The following TMPRSS3 variants were observed in gnomAD, a reference collection of about 807,000 sequenced individuals.
TMPRSS3 encodes transmembrane protease serine 3.
Under a neutral mutation model 59.6 loss-of-function variants are expected in TMPRSS3, and 55 were observed. The observed-to-expected ratio is 0.92, with a 90% CI of 0.74 to 1.16. The LOEUF is 1.16. Among genes scored for constraint, TMPRSS3 ranks in the 50% most tolerant of loss-of-function variants. TMPRSS3 has a pLI of 0.00. For synonymous variants in TMPRSS3, 257 were observed against 237.7 expected, an observed-to-expected ratio of 1.08 and a Z score of -0.75; for missense variants, 596 against 579.4, an observed-to-expected ratio of 1.03 and a Z score of -0.29.
chr21:42,394,632 T>C (rs1384102154), intron 2 of TMPRSS3, among the ~76,000 whole-genome samples: 1 of 152,140 alleles, frequency 6.6e-6, no homozygotes, highest in Non-Finnish European at 1.5e-5. Context: ...AAAGAAATCA[T>C]TAGGGTGACC....
In TMPRSS3 at chr21:42,395,950, C is replaced by T. The variant is rs779671143; in HGVS notation, c.-60G>A. On this transcript the variant is annotated 5_prime_UTR_variant, in exon 1 of 13. Coordinates refer to ENST00000644384, the MANE Select transcript of TMPRSS3 (RefSeq NM_001256317.3). Reference sequence around the variant, plus strand: ...GTAGTTTCGGTACTCACATAATTCCCGAGTCCCAAAAATGTAGATGGCACC... The same window carrying T: ...GTAGTTTCGGTACTCACATAATTCCTGAGTCCCAAAAATGTAGATGGCACC... 1.5e-5 allele frequency: 8 copies of T among 518,804 alleles called. No homozygotes were observed. Among genetic ancestry groups the T allele is most frequent in the South Asian group, 4.2e-5 (3 of 71,564 alleles). 32.1% of individuals were successfully genotyped at this position (518,804 alleles called of 1,614,324 possible).
chr21:42,385,018 T>TCCCTCCCTCCCTCCC (rs2052601552), intron 6 of TMPRSS3, among the ~76,000 whole-genome samples: 1 of 151,882 alleles, frequency 6.6e-6, no homozygotes, highest in Non-Finnish European at 1.5e-5. Flanking sequence ...TTTTTCTTCC[T>TCCCTCCCTCCCTCCC]TTTACCCTCC....
Position 42,373,956 on chromosome 21 carries a change from A to T in TMPRSS3, c.1345-1177T>A, listed in dbSNP as rs139500253. 4.2e-3 allele frequency among the ~76,000 whole-genome samples: 643 copies of T among 152,246 alleles called. 3 individuals are homozygous for T. Among genetic ancestry groups the T allele is most frequent in the African/African-American group, 5.2e-3 (217 of 41,540 alleles). Reference sequence around the variant, plus strand: ...CTTCAGTGTCTTAAGGGGGACTTTTAGGATCACCAGCTCAGTGCTCAGCCC... The same window carrying T: ...CTTCAGTGTCTTAAGGGGGACTTTTTGGATCACCAGCTCAGTGCTCAGCCC... On this transcript the variant is annotated intron_variant, in intron 12 of 12. Transcript: ENST00000644384.
chr21:42,376,749 T>A, intron 10 of TMPRSS3, 66 bp from the exon 11 acceptor site: 1 of 1,610,616 alleles, frequency 6.2e-7, no homozygotes, highest in Non-Finnish European at 8.5e-7. Context: ...AGAAGGCGCA[T>A]GCTGAGACCA....
rs958251723 is a variant in TMPRSS3 at position 42,383,165 on chromosome 21, A to T, written c.650T>A (p.Ile217Asn). The T allele has an allele frequency of 1.2e-6, 2 of 1,613,960 alleles. No individual in the cohort carries two copies. The highest frequency in any genetic ancestry group is 2.7e-5 in the African/African-American group (2 of 74,892). Reference protein sequence around the residue: ...CGHRRGYSSRIVGGNMSLLSQ... With the variant: ...CGHRRGYSSRNVGGNMSLLSQ... ...GAGCAAGGACATGTTTCCACCCACGATGCGTGAGCTGTAGCCCCTTCTATG... is the reference window on the plus strand; with the variant it reads ...GAGCAAGGACATGTTTCCACCCACGTTGCGTGAGCTGTAGCCCCTTCTATG... Residue 217 changes from isoleucine (I) to asparagine (N), a missense_variant, in exon 8 of 13, where the codon ATC becomes AAC. Coordinates refer to ENST00000644384, the MANE Select transcript of TMPRSS3 (RefSeq NM_001256317.3).
At chr21:42,385,091 AC>A (rs1568885651) in intron 6 of TMPRSS3, among the ~76,000 whole-genome samples, 6 of 10,606 alleles carry the variant, frequency 5.7e-4, no homozygotes, top group Non-Finnish European at 1.0e-3. Flanking sequence ...TTTCCTCCCC[AC>A]CCCCCTTCTT....
At chr21:42,394,801 A>G (rs2052781137) in intron 2 of TMPRSS3, among the ~76,000 whole-genome samples, 1 of 152,230 alleles carries the variant, frequency 6.6e-6, no homozygotes, top group South Asian at 2.1e-4. Context: ...AAAAGATCCT[A>G]GCCGTATAGG....
intron 2 of TMPRSS3, among the ~76,000 whole-genome samples, chr21:42,394,367 G>GA (rs1489323728): frequency 6.6e-6 from 1 of 151,992 alleles, no homozygotes; most frequent in African/African-American, 2.4e-5. Context: ...ACCTTTTATG[G>GA]AAAAAACCCA....
In TMPRSS3 at chr21:42,383,124, G is replaced by C; in HGVS notation, c.691C>G (p.Gln231Glu). Residue 231 changes from glutamine to glutamate, a missense_variant, in exon 8 of 13, where the codon CAG becomes GAG. Coordinates refer to ENST00000644384, the MANE Select transcript of TMPRSS3 (RefSeq NM_001256317.3). ...NMSLLSQWPW[Q>E]ASLQFQGYHL... ...TAGCCCTGGAACTGAAGGCTGGCCT[G>C]CCAGGGCCACTGCGAGAGCAAGGAC... 1 of 1,614,200 alleles carries C rather than the reference G, an allele frequency of 6.2e-7. No homozygotes were observed. Among genetic ancestry groups the C allele is most frequent in the Admixed American group, 1.7e-5 (1 of 60,032 alleles).
chr21:42,388,279 G>T lies in TMPRSS3; in HGVS notation c.446+124C>A. ...GGATGATATCGGGCATCCTAAGGTG[G>T]ATGTGAGGATGTAATCTGAGAGCGT... On this transcript the variant is annotated intron_variant, in intron 5 of 12. Coordinates refer to ENST00000644384, the MANE Select transcript of TMPRSS3 (RefSeq NM_001256317.3). The surrounding 1 kb of genome is among the most constrained non-coding windows in gnomAD (Gnocchi z 5.1). 1 of 1,305,740 alleles carries T rather than the reference G, an allele frequency of 7.7e-7. No individual in the cohort carries two copies. The highest frequency in any genetic ancestry group is 1.1e-6 in the Non-Finnish European group (1 of 911,516). 80.9% of individuals were successfully genotyped at this position (1,305,740 alleles called of 1,614,324 possible). A position where few individuals can be genotyped will look rare whatever the true frequency, so the allele number is the denominator to read the frequency against.
chr21:42,375,790 A>G lies in TMPRSS3; in HGVS notation c.1270T>C (p.Cys424Arg), dbSNP rs2052416723. 1.2e-6 allele frequency: 2 copies of G among 1,613,714 alleles called. No homozygotes were observed. Among genetic ancestry groups the G allele is most frequent in the South Asian group, 2.2e-5 (2 of 91,078 alleles). ...LVGATSFGIG[C>R]AEVNKPGVYT... ...ACCCCAGGCTTGTTCACCTCTGCGCAGCCGATGCCAAAGCTGGTCGCTCCC... is the reference window on the plus strand; with the variant it reads ...ACCCCAGGCTTGTTCACCTCTGCGCGGCCGATGCCAAAGCTGGTCGCTCCC... Residue 424 changes from cysteine to arginine, a missense_variant, in exon 12 of 13, where the codon TGC (cysteine) becomes CGC (arginine). Coordinates refer to ENST00000644384, the MANE Select transcript of TMPRSS3 (RefSeq NM_001256317.3).
intron 11 of TMPRSS3, 93 bp downstream of exon 11, chr21:42,376,448 C>T (rs933776316): frequency 3.2e-6 from 5 of 1,567,956 alleles, no homozygotes; most frequent in Non-Finnish European, 4.3e-6. Flanking sequence ...TGTAAATTTA[C>T]TTTTTGTCCT....
chr21:42,383,931 C>T, intron 7 of TMPRSS3, 39 bp downstream of exon 7: 1 of 1,611,236 alleles, frequency 6.2e-7, no homozygotes, highest in Admixed American at 1.7e-5. Context: ...TTAGCATGTG[C>T]TTGCTCCCCC....
intron 12 of TMPRSS3, 139 bp from the exon 13 acceptor site, chr21:42,372,918 C>A: frequency 5.2e-6 from 5 of 958,826 alleles, no homozygotes; most frequent in South Asian, 1.4e-5. Context: ...TTGGCCTCCC[C>A]CTGGGGCTGC....
Position 42,378,491 on chromosome 21 carries a change from C to T in TMPRSS3, c.1048+1626G>A, listed in dbSNP as rs906147032. Among the ~76,000 whole-genome samples the T allele has an allele frequency of 8.7e-4, 133 of 152,152 alleles. 1 individual carries two copies. The highest frequency in any genetic ancestry group is 2.1e-4 in the Non-Finnish European group (14 of 68,018). ...GGTGGACCCTAAATCCAACGACTTGCTGTCCTTATAAGACACAGGAGAGGG... is the reference window on the plus strand; with the variant it reads ...GGTGGACCCTAAATCCAACGACTTGTTGTCCTTATAAGACACAGGAGAGGG... On this transcript the variant is annotated intron_variant, in intron 10 of 12. Transcript: ENST00000644384.
Position 42,391,758 on chromosome 21 carries a change from T to C in TMPRSS3, c.95-1721A>G, listed in dbSNP as rs193222088. On this transcript the variant is annotated intron_variant, in intron 2 of 12. Coordinates refer to ENST00000644384, the MANE Select transcript of TMPRSS3 (RefSeq NM_001256317.3). ...GAGTCCTTTGTCTCTGACCCAGGACTCTCGTGTCTTCCAAAGCACCCATGA... is the reference window on the plus strand; with the variant it reads ...GAGTCCTTTGTCTCTGACCCAGGACCCTCGTGTCTTCCAAAGCACCCATGA... Among the ~76,000 whole-genome samples the C allele has an allele frequency of 1.3e-4, 20 of 152,334 alleles. No individual in the cohort carries two copies. In the East Asian group the frequency reaches 3.3e-3, roughly 25 times the overall value.
chr21:42,385,078 T>TCC (rs2052610711), intron 6 of TMPRSS3, among the ~76,000 whole-genome samples: 3 of 99,034 alleles, frequency 3.0e-5, no homozygotes, highest in South Asian at 4.0e-4. Context: ...CCTCCCTTCC[T>TCC]CTTTTCCTCC....
rs1365650284 is a variant in TMPRSS3, at chr21:42,388,898, T to A, written c.322+31A>T. 4 of 1,593,748 alleles carry A rather than the reference T, an allele frequency of 2.5e-6. No homozygotes were observed. The highest frequency in any genetic ancestry group is 2.6e-6 in the Non-Finnish European group (3 of 1,161,906). On this transcript the variant is annotated intron_variant, in intron 4 of 12. Coordinates refer to ENST00000644384, the MANE Select transcript of TMPRSS3 (RefSeq NM_001256317.3). This position sits in a 1 kb window ranked among gnomAD's most constrained non-coding sequence, Gnocchi z 5.1. ...AGGGTTGGCTTCTGCTGCTTCCTTCTGTTTCCCCAGGGGAAGAGCCATGAC... is the reference window on the plus strand; with the variant it reads ...AGGGTTGGCTTCTGCTGCTTCCTTCAGTTTCCCCAGGGGAAGAGCCATGAC...
At chr21:42,386,168 G>T (rs572720393) in intron 5 of TMPRSS3, among the ~76,000 whole-genome samples, 254 of 152,330 alleles carry the variant, frequency 1.7e-3, no homozygotes, top group Non-Finnish European at 2.7e-3. Flanking sequence ...TGTTTGGAGA[G>T]TCACAAGATG....
Sources: allele counts gnomAD v4.1 joint callset (sites outside exome capture counted in the v4.1 genomes callset), GRCh38; gene constraint gnomAD v4.1.1; non-coding constraint Gnocchi (gnomAD v3.1); transcripts MANE v1.5; gene names NCBI Gene and HGNC (gene_info 2026-07-23, HGNC 2026-07-21).